Variants in DLGAP2 observed in about 807,000 individuals in gnomAD.
DLGAP2 encodes DLG associated protein 2.
In DLGAP2, 26 loss-of-function variants were observed where a neutral mutation model predicts 100.3. The observed-to-expected ratio is 0.26, with a 90% CI of 0.19 to 0.36. The LOEUF is 0.36. Ranked by LOEUF, DLGAP2 falls within the 10% of genes least tolerant of loss-of-function variation. The pLI, the probability that DLGAP2 is intolerant of heterozygous loss-of-function variation, is 1.00. For synonymous variants in DLGAP2, 886 were observed against 630.1 expected (o/e 1.41, Z -6.08); for missense variants, 1,858 against 1,453.2 (o/e 1.28, Z -4.53).
chr8:1,274,266 T>G (rs1201365010), intron 3 of DLGAP2, among the ~76,000 whole-genome samples: 1 of 152,144 alleles, frequency 6.6e-6, no homozygotes, highest in Non-Finnish European at 1.5e-5. Flanking sequence ...CCACCCACCA[T>G]AAGTGTACTG....
At position 1,021,297 on chromosome 8, in the gene DLGAP2, A is replaced by G. The variant is rs549178220; in HGVS notation, c.73+113331A>G. Among the ~76,000 whole-genome samples, 4 of 152,306 alleles carry G rather than the reference A, an allele frequency of 2.6e-5. No individual in the cohort carries two copies. The South Asian group carries it at 8.3e-4, about 32-fold the overall frequency. On this transcript the variant is annotated intron_variant, in intron 2 of 14. Transcript: ENST00000637795. ...GATTATAAGCTGCCAGCCCTAAAAT[A>G]CGATATATTTTGGAAAGTGCTCAGA...
chr8:986,686 G>T (rs1458897808), intron 2 of DLGAP2, among the ~76,000 whole-genome samples: 1 of 149,882 alleles, frequency 6.7e-6, no homozygotes, highest in Non-Finnish European at 1.5e-5. Flanking sequence ...TTGAGACAGA[G>T]TCTCACTCTG....
intron 3 of DLGAP2, among the ~76,000 whole-genome samples, chr8:1,467,684 G>A (rs928008413): frequency 6.6e-6 from 1 of 152,128 alleles, no homozygotes; most frequent in Non-Finnish European, 1.5e-5. Flanking sequence ...CAGAACCACG[G>A]CAACGTCCCA....
At chr8:847,912 C>T (rs1404820098) in intron 1 of DLGAP2, among the ~76,000 whole-genome samples, 1 of 152,018 alleles carries the variant, frequency 6.6e-6, no homozygotes, top group Non-Finnish European at 1.5e-5. Context: ...CTTATTTTGA[C>T]TTTTAGCTTG....
intron 12 of DLGAP2, among the ~76,000 whole-genome samples, chr8:1,688,765 A>C (rs1037003374): frequency 7.9e-5 from 12 of 152,244 alleles, no homozygotes; most frequent in African/African-American, 2.9e-4. Context: ...TGAAGAACAC[A>C]TGGTACAGAT....
intron 6 of DLGAP2, among the ~76,000 whole-genome samples, chr8:1,592,097 A>G (rs1007668084): frequency 6.6e-6 from 1 of 152,062 alleles, no homozygotes; most frequent in African/African-American, 2.4e-5. Context: ...GGGCCCAGAC[A>G]CACAAACAGC....
At chr8:1,081,847 A>T (rs1221554981) in intron 2 of DLGAP2, among the ~76,000 whole-genome samples, 3 of 152,212 alleles carry the variant, frequency 2.0e-5, no homozygotes, top group African/African-American at 7.2e-5. Flanking sequence ...AAGAATGTCA[A>T]GCAGGCATAT....
intron 2 of DLGAP2, among the ~76,000 whole-genome samples, chr8:1,209,124 C>A (rs1798053571): frequency 1.3e-5 from 2 of 152,086 alleles, no homozygotes; most frequent in Non-Finnish European, 2.9e-5. Context: ...ATACCATCAT[C>A]ATTCTTCACA....
chr8:1,411,798 A>T (rs896000488), intron 3 of DLGAP2, among the ~76,000 whole-genome samples: 1 of 152,206 alleles, frequency 6.6e-6, no homozygotes, highest in Admixed American at 6.5e-5. Flanking sequence ...CTGCGCATGA[A>T]GTCTCTCTCA....
chr8:968,543 C>T (rs1799937036), intron 2 of DLGAP2, among the ~76,000 whole-genome samples: 1 of 152,228 alleles, frequency 6.6e-6, no homozygotes, highest in African/African-American at 2.4e-5. Flanking sequence ...CCCTGTGGGG[C>T]TCCTGTTCCA....
chr8:1,382,385 C>T (rs1796117104), intron 3 of DLGAP2, among the ~76,000 whole-genome samples: 1 of 152,184 alleles, frequency 6.6e-6, no homozygotes, highest in Non-Finnish European at 1.5e-5. Flanking sequence ...TGAGTGGACT[C>T]CAGCAGTTCC....
chr8:1,261,676 C>T (rs1799353548), intron 3 of DLGAP2, among the ~76,000 whole-genome samples: 2 of 152,178 alleles, frequency 1.3e-5, no homozygotes, highest in Admixed American at 6.5e-5. Flanking sequence ...GCAGTTGCTC[C>T]AGATCAGGGA....
At chr8:1,063,024 A>C (rs1407248436) in intron 2 of DLGAP2, among the ~76,000 whole-genome samples, 1 of 152,168 alleles carries the variant, frequency 6.6e-6, no homozygotes, top group African/African-American at 2.4e-5. Context: ...TGCAGCTATT[A>C]AGACCTGTGT....
intron 2 of DLGAP2, among the ~76,000 whole-genome samples, chr8:1,177,303 G>T (rs1341117952): frequency 6.6e-6 from 1 of 152,120 alleles, no homozygotes; most frequent in South Asian, 2.1e-4. Flanking sequence ...GTATGTTCTT[G>T]GAGTATTTTT....
chr8:1,212,995 G>T (rs1019256748), intron 2 of DLGAP2, among the ~76,000 whole-genome samples: 1 of 151,778 alleles, frequency 6.6e-6, no homozygotes, highest in South Asian at 2.1e-4. Flanking sequence ...TTGCTCTTAC[G>T]GCAGAGATTT....
intron 1 of DLGAP2, among the ~76,000 whole-genome samples, chr8:747,421 C>T (rs1357898556): frequency 1.3e-5 from 2 of 151,742 alleles, no homozygotes; most frequent in African/African-American, 4.8e-5. Flanking sequence ...ATCTTTGGTC[C>T]CAAGTTCCAG....
intron 2 of DLGAP2, among the ~76,000 whole-genome samples, chr8:1,041,878 C>T (rs1254984437): frequency 6.6e-6 from 1 of 152,172 alleles, no homozygotes; most frequent in African/African-American, 2.4e-5. Flanking sequence ...CAGCTGGACT[C>T]TCACCATGCG....
In DLGAP2 at chr8:1,430,011, T is replaced by TACAC. The variant is rs1554467356; in HGVS notation, c.107-71354_107-71353insCACA. ...GGGGAGAGATGCATATATATACATATATATATATATATATATACACACACA... is the reference window on the plus strand; with the variant it reads ...GGGGAGAGATGCATATATATACATATACACATATATATATATATATACACACACA... On this transcript the variant is annotated intron_variant, in intron 3 of 14. Coordinates refer to ENST00000637795, the MANE Select transcript of DLGAP2 (RefSeq NM_001346810.2). Among the ~76,000 whole-genome samples, 8 of 63,960 alleles carry TACAC rather than the reference T, an allele frequency of 1.3e-4. 1 individual carries two copies. The highest frequency in any genetic ancestry group is 3.3e-4 in the African/African-American group (6 of 18,100). The allele number at this position is 63,960 out of a possible 152,430, so 42.0% of individuals were successfully genotyped here.
chr8:1,493,934 G>A (rs1192429624), intron 3 of DLGAP2, among the ~76,000 whole-genome samples: 3 of 152,258 alleles, frequency 2.0e-5, no homozygotes, highest in Non-Finnish European at 4.4e-5. Flanking sequence ...TATAAAAAGT[G>A]CAGTGTGGAC....
Sources: gnomAD v4.1 joint callset for allele counts (sites outside exome capture counted in the v4.1 genomes callset) on GRCh38, gnomAD v4.1.1 for gene constraint, MANE v1.5 for transcripts, NCBI Gene and HGNC (gene_info 2026-07-23, HGNC 2026-07-21) for gene names.